QKI: variants seen among roughly 807,000 people sequenced by gnomAD.
QKI encodes the protein KH domain-containing RNA-binding protein QKI.
QKI carries 10 observed loss-of-function variants against 39.0 expected under a neutral mutation model. The observed-to-expected ratio is 0.26, with a 90% CI of 0.16 to 0.43. The LOEUF (loss-of-function observed/expected upper bound fraction) is 0.43, where lower values mean the gene tolerates loss of function less well. QKI is among the 20% of genes least tolerant of loss of function. The pLI is 1.00. For synonymous variants in QKI, 204 were observed against 155.4 expected (o/e 1.31, Z -2.33); for missense variants, 218 against 428.0 (o/e 0.51, Z 4.33).
chr6:163,473,337 TA>T (rs1404427374), intron 2 of QKI, among the ~76,000 whole-genome samples: 2 of 152,260 alleles, frequency 1.3e-5, no homozygotes, highest in Non-Finnish European at 2.9e-5. Context: ...CACTACGTTG[TA>T]TTGGCCAAAG....
intron 6 of QKI, chr6:163,565,065 AATAC>A: frequency 9.4e-7 from 1 of 1,069,148 alleles, no homozygotes; most frequent in Non-Finnish European, 1.1e-6. Context: ...TTCATGAACA[AATAC>A]ATTTCATTGT....
chr6:163,486,137 A>G (rs1777662207), intron 3 of QKI, among the ~76,000 whole-genome samples: 2 of 152,314 alleles, frequency 1.3e-5, no homozygotes, highest in South Asian at 4.2e-4. Context: ...ACACTCTTCC[A>G]ACGGAAATGG....
intron 3 of QKI, among the ~76,000 whole-genome samples, chr6:163,532,073 A>C (rs1780892372): frequency 1.3e-5 from 2 of 152,250 alleles, no homozygotes; most frequent in Admixed American, 1.3e-4. Context: ...TCTTGCAATA[A>C]AGCAAAATGG....
chr6:163,554,798 C>G (rs1456032521), intron 4 of QKI, among the ~76,000 whole-genome samples: 1 of 152,246 alleles, frequency 6.6e-6, no homozygotes, highest in Admixed American at 6.5e-5. Flanking sequence ...GTTACAACCT[C>G]TACCCCAGTC....
At chr6:163,569,256 G>T in intron 7 of QKI, 1 of 974,140 alleles carries the variant, frequency 1.0e-6, no homozygotes, top group South Asian at 4.4e-5. Flanking sequence ...TATTTTTGTA[G>T]TATTTATAAA....
chr6:163,560,140 C>T (rs930398288), intron 4 of QKI, among the ~76,000 whole-genome samples: 1 of 151,920 alleles, frequency 6.6e-6, no homozygotes, highest in Non-Finnish European at 1.5e-5. Flanking sequence ...TGGGGGTGGC[C>T]GTGGGAACAT....
chr6:163,488,773 T>G (rs1777849248), intron 3 of QKI, among the ~76,000 whole-genome samples: 1 of 152,154 alleles, frequency 6.6e-6, no homozygotes, highest in African/African-American at 2.4e-5. Flanking sequence ...TTGTTGCACT[T>G]GATTTTCTAG....
chr6:163,546,244 T>A (rs1781866252), intron 4 of QKI, among the ~76,000 whole-genome samples: 1 of 151,892 alleles, frequency 6.6e-6, no homozygotes, highest in Non-Finnish European at 1.5e-5. Flanking sequence ...TTAGTTCAAT[T>A]ATTTTCATAC....
intron 1 of QKI, among the ~76,000 whole-genome samples, chr6:163,451,147 A>C (rs551722501): frequency 1.3e-5 from 2 of 152,368 alleles, no homozygotes; most frequent in East Asian, 3.9e-4. Flanking sequence ...GTGTCTAAAC[A>C]AACAGTTGTG....
In QKI at chr6:163,474,787, TAAAA is replaced by T. The variant is rs35897463; in HGVS notation, c.286-3976_286-3973del. ...TGAGACCTGATGTCTACAAAAAAGT[TAAAA>T]AAAAAAAAAAAAAAAAGCCAGGCAT... On this transcript the variant is annotated intron_variant, in intron 2 of 7. Transcript: ENST00000361752. 5.9e-3 allele frequency among the ~76,000 whole-genome samples: 644 copies of T among 108,634 alleles called. 7 individuals carry two copies. The highest frequency in any genetic ancestry group is 0.021 in the African/African-American group (583 of 28,234). The allele number at this position is 108,634 out of a possible 152,430, so 71.3% of individuals were successfully genotyped here. A position where few individuals can be genotyped will look rare whatever the true frequency, so the allele number is the denominator to read the frequency against.
At chr6:163,471,424 A>G (rs1272035053) in intron 2 of QKI, among the ~76,000 whole-genome samples, 2 of 152,216 alleles carry the variant, frequency 1.3e-5, no homozygotes, top group Non-Finnish European at 2.9e-5. Flanking sequence ...AATTGTTGAT[A>G]AACCTAAATG....
intron 1 of QKI, among the ~76,000 whole-genome samples, chr6:163,447,632 G>A (rs1790252625): frequency 6.6e-6 from 1 of 152,086 alleles, no homozygotes; most frequent in Admixed American, 6.6e-5. Flanking sequence ...TAATCACTGA[G>A]CATTAGTTGT....
chr6:163,521,529 T>C (rs1168842226), intron 3 of QKI, among the ~76,000 whole-genome samples: 2 of 152,170 alleles, frequency 1.3e-5, no homozygotes, highest in Non-Finnish European at 2.9e-5. Context: ...GGCAGTTAGA[T>C]ATATATTTTT....
rs1467677632 is a variant in QKI at position 163,553,060 on chromosome 6, ATTTTTATT to A, written c.547-8920_547-8913del. On this transcript the variant is annotated intron_variant, in intron 4 of 7. Coordinates refer to ENST00000361752, the MANE Select transcript of QKI (RefSeq NM_006775.3). ...ATTTTCAGGTTCTTTTTTTTTTTTAATTTTTATTTATTTATTTATTTATTTATTTATTT... is the reference window on the plus strand; with the variant it reads ...ATTTTCAGGTTCTTTTTTTTTTTTAATATTTATTTATTTATTTATTTATTT... 7.9e-4 allele frequency among the ~76,000 whole-genome samples: 104 copies of A among 131,388 alleles called. 1 individual carries two copies. The highest frequency in any genetic ancestry group is 1.1e-3 in the Non-Finnish European group (66 of 61,542). The allele number at this position is 131,388 out of a possible 152,430, so 86.2% of individuals were successfully genotyped here. A position where few individuals can be genotyped will look rare whatever the true frequency, so the allele number is the denominator to read the frequency against.
chr6:163,559,770 G>A lies in QKI; in HGVS notation c.547-2212G>A, dbSNP rs145335083. ...ATAGTATACCATTCACCATTGTAAT[G>A]CCAAAAACAGAATTTTGTGTGTCAT... On this transcript the variant is annotated intron_variant, in intron 4 of 7. Transcript: ENST00000361752. 3.0e-3 allele frequency among the ~76,000 whole-genome samples: 460 copies of A among 152,168 alleles called. 1 individual carries two copies. The highest frequency in any genetic ancestry group is 0.01 in the African/African-American group (421 of 41,516).
intron 3 of QKI, among the ~76,000 whole-genome samples, chr6:163,520,858 AAT>A (rs1372791845): frequency 3.3e-5 from 5 of 152,194 alleles, no homozygotes; most frequent in Non-Finnish European, 5.9e-5. Flanking sequence ...GGTTATGAGA[AAT>A]ATATCACTTT....
intron 4 of QKI, among the ~76,000 whole-genome samples, chr6:163,544,183 A>G (rs1459820815): frequency 6.6e-6 from 1 of 152,066 alleles, no homozygotes; most frequent in Non-Finnish European, 1.5e-5. Flanking sequence ...CAAAATTTAA[A>G]TTTGCATCCT....
intron 4 of QKI, among the ~76,000 whole-genome samples, chr6:163,554,671 A>C (rs553007181): frequency 5.3e-5 from 8 of 152,354 alleles, no homozygotes; most frequent in Non-Finnish European, 1.0e-4. Flanking sequence ...GCCACCGTCT[A>C]CTTTATTGCT....
intron 3 of QKI, among the ~76,000 whole-genome samples, chr6:163,517,043 C>CACAG (rs1779845873): frequency 1.1e-5 from 1 of 91,148 alleles, no homozygotes; most frequent in African/African-American, 3.4e-5. Context: ...GGGACACACA[C>CACAG]ACACACACAC....
Sources: allele counts gnomAD v4.1 joint callset (sites outside exome capture counted in the v4.1 genomes callset), GRCh38; gene constraint gnomAD v4.1.1; transcripts MANE v1.5; gene names NCBI Gene and HGNC (gene_info 2026-07-23, HGNC 2026-07-21).